The following BNC2 variants were observed in gnomAD, a reference collection of about 807,000 sequenced individuals.
The protein encoded by BNC2 is zinc finger protein basonuclin-2.
Under a neutral mutation model 76.3 loss-of-function variants are expected in BNC2, and 20 were observed. That is an observed-to-expected ratio of 0.26 (90% CI 0.18 to 0.38). The LOEUF is 0.38. BNC2 is among the 10% of genes least tolerant of loss of function. BNC2 has a pLI of 1.00. For synonymous variants in BNC2, 582 were observed against 514.8 expected, an observed-to-expected ratio of 1.13 and a Z score of -1.77; for missense variants, 1,382 against 1,399.8, an observed-to-expected ratio of 0.99 and a Z score of 0.20.
At chr9:16,579,837 T>C (rs1819582888) in intron 4 of BNC2, 1 of 331,422 alleles carries the variant, frequency 3.0e-6, no homozygotes, top group Non-Finnish European at 5.4e-6. Context: ...TCAACAAATT[T>C]CTAAAAATCT....
intron 3 of BNC2, among the ~76,000 whole-genome samples, chr9:16,703,361 A>G (rs1430140021): frequency 9.2e-5 from 14 of 152,188 alleles, no homozygotes; most frequent in Admixed American, 1.3e-4. Flanking sequence ...TCCAGCACAG[A>G]GCAATATTCT....
At chr9:16,452,560 C>G (rs1445949851) in intron 5 of BNC2, among the ~76,000 whole-genome samples, 3 of 152,136 alleles carry the variant, frequency 2.0e-5, no homozygotes, top group Non-Finnish European at 2.9e-5. Flanking sequence ...TAGACGCCTG[C>G]TGCCATGCCC....
chr9:16,592,761 TC>T (rs1193735653), intron 3 of BNC2, among the ~76,000 whole-genome samples: 2 of 152,270 alleles, frequency 1.3e-5, no homozygotes, highest in Admixed American at 1.3e-4. Context: ...AACCATTTAA[TC>T]CCATAAGATA....
At chr9:16,469,120 C>T (rs1821760332) in intron 5 of BNC2, among the ~76,000 whole-genome samples, 1 of 152,152 alleles carries the variant, frequency 6.6e-6, no homozygotes, top group South Asian at 2.1e-4. Context: ...AAACTAGGTA[C>T]TGTATATGAC....
At chr9:16,826,109 T>A (rs991047871) in intron 1 of BNC2, among the ~76,000 whole-genome samples, 4 of 152,146 alleles carry the variant, frequency 2.6e-5, no homozygotes, top group African/African-American at 9.7e-5. Flanking sequence ...CATAATCCCC[T>A]GCAGCTGGAT....
At position 16,445,737 on chromosome 9, in the gene BNC2, T is replaced by C. The variant is rs142491807; in HGVS notation, c.670-8213A>G. On this transcript the variant is annotated intron_variant, in intron 5 of 6. Coordinates refer to ENST00000380672, the MANE Select transcript of BNC2 (RefSeq NM_017637.6). The stretch of plus-strand genomic sequence containing the variant: ...AAAAATTCAGACTGGACTTTACTTG[T>C]TAACATTGACCTATGTGAACAAATA... Among the ~76,000 whole-genome samples, 39 of 152,296 alleles carry C rather than the reference T, an allele frequency of 2.6e-4. No homozygotes were observed. The East Asian group carries it at 6.2e-3, about 24-fold the overall frequency.
At chr9:16,705,390 G>A (rs1433083519) in intron 3 of BNC2, among the ~76,000 whole-genome samples, 1 of 152,106 alleles carries the variant, frequency 6.6e-6, no homozygotes, top group East Asian at 1.9e-4. Flanking sequence ...GCACAGAGGG[G>A]CCACCTCTGC....
At chr9:16,845,878 G>A (rs985936862) in intron 1 of BNC2, among the ~76,000 whole-genome samples, 18 of 151,944 alleles carry the variant, frequency 1.2e-4, no homozygotes, top group Admixed American at 5.2e-4. Flanking sequence ...GCCCGGGCGC[G>A]GTGGCTCACG....
intron 5 of BNC2, among the ~76,000 whole-genome samples, chr9:16,543,702 G>A (rs1005388859): frequency 1.4e-4 from 21 of 152,132 alleles, no homozygotes; most frequent in African/African-American, 4.8e-4. Context: ...TATTTTCATT[G>A]CCGTTCAAAT....
intron 5 of BNC2, among the ~76,000 whole-genome samples, chr9:16,547,501 G>C (rs184009461): frequency 6.6e-6 from 1 of 152,298 alleles, no homozygotes; most frequent in African/African-American, 2.4e-5. Context: ...TTGTTCCCTA[G>C]TGAGGAGGCC....
At chr9:16,570,530 C>T (rs1051951550) in intron 4 of BNC2, among the ~76,000 whole-genome samples, 3 of 152,080 alleles carry the variant, frequency 2.0e-5, no homozygotes, top group African/African-American at 4.8e-5. Context: ...TATCAGTAAC[C>T]GGTGGGATAA....
chr9:16,780,036 A>T (rs1014084565), intron 1 of BNC2, among the ~76,000 whole-genome samples: 101 of 151,592 alleles, frequency 6.7e-4, no homozygotes, highest in Admixed American at 8.5e-4. Flanking sequence ...GCAGATCGAG[A>T]CCATCCTGGC....
intron 1 of BNC2, among the ~76,000 whole-genome samples, chr9:16,848,099 T>A (rs1184569013): frequency 1.3e-5 from 2 of 152,214 alleles, no homozygotes; most frequent in African/African-American, 4.8e-5. Flanking sequence ...AAACATCCAA[T>A]ATTAATAAAT....
intron 3 of BNC2, among the ~76,000 whole-genome samples, chr9:16,644,786 T>C (rs1036609591): frequency 1.1e-4 from 17 of 152,210 alleles, no homozygotes; most frequent in Non-Finnish European, 2.9e-5. Context: ...GGGGATGAGC[T>C]TCCCAATGGA....
At chr9:16,527,409 T>C (rs1274892881) in intron 5 of BNC2, among the ~76,000 whole-genome samples, 1 of 152,176 alleles carries the variant, frequency 6.6e-6, no homozygotes, top group African/African-American at 2.4e-5. Flanking sequence ...TGGCACTGTT[T>C]TGCGGTCTAA....
At chr9:16,490,418 G>C (rs143189158) in intron 5 of BNC2, among the ~76,000 whole-genome samples, 2 of 152,116 alleles carry the variant, frequency 1.3e-5, no homozygotes, top group African/African-American at 4.8e-5. Context: ...CCCACAACAC[G>C]TGGGAATTCT....
At chr9:16,567,837 C>G (rs1030798281) in intron 4 of BNC2, among the ~76,000 whole-genome samples, 42 of 152,122 alleles carry the variant, frequency 2.8e-4, no homozygotes, top group African/African-American at 9.4e-4. Context: ...GTGAAGCTAG[C>G]AGCCATTCAA....
intron 5 of BNC2, among the ~76,000 whole-genome samples, chr9:16,523,654 G>A (rs116607308): frequency 0.08 from 12,221 of 152,060 alleles, 1,622 homozygotes; most frequent in African/African-American, 0.27. Flanking sequence ...TTGGCCCAGC[G>A]CGGTGGCTCA....
intron 3 of BNC2, among the ~76,000 whole-genome samples, chr9:16,666,957 T>C (rs1167287791): frequency 6.6e-6 from 1 of 152,088 alleles, no homozygotes; most frequent in Non-Finnish European, 1.5e-5. Flanking sequence ...AGTTATGAAC[T>C]AGTACCAGAG....
Sources: allele counts gnomAD v4.1 joint callset (sites outside exome capture counted in the v4.1 genomes callset), GRCh38; gene constraint gnomAD v4.1.1; transcripts MANE v1.5; gene names NCBI Gene and HGNC (gene_info 2026-07-23, HGNC 2026-07-21).